MEIS2: variants seen among roughly 807,000 people sequenced by gnomAD.
MEIS2 encodes the protein homeobox protein Meis2.
A neutral mutation model predicts 58.6 loss-of-function variants in MEIS2; 9 were observed. The ratio of observed to expected loss-of-function variants is 0.15; its 90% CI spans 0.09 to 0.27. The LOEUF (loss-of-function observed/expected upper bound fraction) is 0.27. Ranked by LOEUF, MEIS2 falls within the 10% of genes least tolerant of loss-of-function variation. MEIS2 has a pLI of 1.00. For missense variants in MEIS2, 427 were observed against 635.0 expected (o/e 0.67, Z 3.52); for synonymous variants, 221 against 228.4 (o/e 0.97, Z 0.29).
chr15:37,049,918 C>T (rs1475157193), intron 7 of MEIS2, among the ~76,000 whole-genome samples: 1 of 151,958 alleles, frequency 6.6e-6, no homozygotes, highest in African/African-American at 2.4e-5. Context: ...AATGTGATTT[C>T]AAGGCCACTT....
intron 8 of MEIS2, among the ~76,000 whole-genome samples, chr15:36,966,790 A>C (rs1057252668): frequency 1.3e-5 from 2 of 152,160 alleles, no homozygotes; most frequent in African/African-American, 4.8e-5. Context: ...ACAGAGATAG[A>C]AAATAACTGG....
chr15:37,073,315 C>A (rs1890955162), intron 7 of MEIS2, among the ~76,000 whole-genome samples: 1 of 151,988 alleles, frequency 6.6e-6, no homozygotes, highest in Non-Finnish European at 1.5e-5. Flanking sequence ...GCCGTTTAAT[C>A]TGCAACAAGC....
chr15:36,991,779 T>TTTTC (rs1266256655), intron 8 of MEIS2, among the ~76,000 whole-genome samples: 4 of 70,902 alleles, frequency 5.6e-5, no homozygotes, highest in African/African-American at 2.1e-4. Flanking sequence ...TTCTTTTTTT[T>TTTTC]TTTCTTTTTT....
Position 36,906,651 on chromosome 15 carries a change from G to GACA in MEIS2, c.978-9966_978-9965insTGT, listed in dbSNP as rs1414830117. Among the ~76,000 whole-genome samples the GACA allele has an allele frequency of 1.8e-3, 170 of 96,534 alleles. 1 individual carries two copies. The highest frequency in any genetic ancestry group is 6.4e-3 in the African/African-American group (159 of 24,848). 63.3% of individuals were successfully genotyped at this position (96,534 alleles called of 152,430 possible). A position where few individuals can be genotyped will look rare whatever the true frequency, so the allele number is the denominator to read the frequency against. ...CTGACAAAGTATGTCAGCCACTCAA[G>GACA]AAAAAAAAAAAAAAAAAAAACAAGG... On this transcript the variant is annotated intron_variant, in intron 9 of 11. Coordinates refer to ENST00000561208, the MANE Select transcript of MEIS2 (RefSeq NM_170675.5).
At chr15:37,051,508 A>C (rs1237742651) in intron 7 of MEIS2, among the ~76,000 whole-genome samples, 2 of 152,202 alleles carry the variant, frequency 1.3e-5, no homozygotes, top group African/African-American at 4.8e-5. Context: ...TTTTGGCGTA[A>C]TGATGGAATC....
At chr15:36,983,578 T>C (rs1361435311) in intron 8 of MEIS2, among the ~76,000 whole-genome samples, 2 of 152,122 alleles carry the variant, frequency 1.3e-5, no homozygotes, top group Non-Finnish European at 2.9e-5. Context: ...ACAGTCAATA[T>C]GGTGGCTCCA....
intron 11 of MEIS2, 71 bp downstream of exon 11, chr15:36,895,080 A>C: frequency 7.9e-7 from 1 of 1,267,440 alleles, no homozygotes; most frequent in Non-Finnish European, 1.1e-6. Context: ...GGGATAGTAG[A>C]GTGGATGGAG....
chr15:37,029,101 A>T (rs942526960), intron 8 of MEIS2, among the ~76,000 whole-genome samples: 1 of 152,200 alleles, frequency 6.6e-6, no homozygotes, highest in Non-Finnish European at 1.5e-5. Flanking sequence ...CTCTAGTATA[A>T]GATTCCATTC....
intron 8 of MEIS2, among the ~76,000 whole-genome samples, chr15:36,977,105 A>G (rs1285345999): frequency 6.6e-6 from 1 of 152,142 alleles, no homozygotes; most frequent in Non-Finnish European, 1.5e-5. Context: ...CAGCCTGGAC[A>G]ACAAGAGCAA....
chr15:37,098,853 C>A, intron 1 of MEIS2: 1 of 959,576 alleles, frequency 1.0e-6, no homozygotes, highest in Non-Finnish European at 1.2e-6. Context: ...CAGTGCCTCC[C>A]CGGGGGCAGG....
At chr15:37,001,821 G>C (rs4924114) in intron 8 of MEIS2, among the ~76,000 whole-genome samples, 2 of 151,954 alleles carry the variant, frequency 1.3e-5, no homozygotes, top group East Asian at 3.9e-4. Context: ...TAAGAGGTTC[G>C]ATATACAAAT....
intron 8 of MEIS2, among the ~76,000 whole-genome samples, chr15:36,974,263 C>G (rs970019775): frequency 3.9e-5 from 6 of 152,116 alleles, no homozygotes; most frequent in African/African-American, 1.4e-4. Flanking sequence ...TTTCAGAATT[C>G]TGAGTGTTCA....
chr15:37,065,444 G>A (rs898203445), intron 7 of MEIS2, among the ~76,000 whole-genome samples: 5 of 152,116 alleles, frequency 3.3e-5, no homozygotes, highest in Non-Finnish European at 7.4e-5. Flanking sequence ...GAATACTGAG[G>A]ATACCTTTAA....
chr15:37,016,452 G>A (rs994747562), intron 8 of MEIS2, among the ~76,000 whole-genome samples: 6 of 151,670 alleles, frequency 4.0e-5, no homozygotes, highest in African/African-American at 1.5e-4. Context: ...TTAAACCTGC[G>A]TCACAACATG....
chr15:36,939,646 C>T (rs1164768337), intron 9 of MEIS2, among the ~76,000 whole-genome samples: 1 of 151,944 alleles, frequency 6.6e-6, no homozygotes, highest in Non-Finnish European at 1.5e-5. Context: ...ACCTGTTTAT[C>T]CTCAGAACAA....
At chr15:36,936,621 A>G (rs2058185742) in intron 9 of MEIS2, among the ~76,000 whole-genome samples, 1 of 152,226 alleles carries the variant, frequency 6.6e-6, no homozygotes, top group Non-Finnish European at 1.5e-5. Flanking sequence ...GTTCTACTGT[A>G]ATTATGAACT....
At chr15:37,052,098 C>A (rs1457432870) in intron 7 of MEIS2, among the ~76,000 whole-genome samples, 3 of 152,150 alleles carry the variant, frequency 2.0e-5, no homozygotes, top group African/African-American at 7.2e-5. Flanking sequence ...ATATCTCACA[C>A]CACACTGGAG....
At chr15:37,079,815 C>T (rs1173430266) in intron 7 of MEIS2, among the ~76,000 whole-genome samples, 1 of 152,104 alleles carries the variant, frequency 6.6e-6, no homozygotes, top group Non-Finnish European at 1.5e-5. Flanking sequence ...GCTTGTACAG[C>T]CCTGTGTCCT....
At chr15:37,076,711 C>CA (rs769245497) in intron 7 of MEIS2, among the ~76,000 whole-genome samples, 21 of 152,030 alleles carry the variant, frequency 1.4e-4, no homozygotes, top group Non-Finnish European at 3.1e-4. Flanking sequence ...TAATATGAGT[C>CA]ATAGACTATT....
Sources: gnomAD v4.1 joint callset for allele counts (sites outside exome capture counted in the v4.1 genomes callset) on GRCh38, gnomAD v4.1.1 for gene constraint, MANE v1.5 for transcripts, NCBI Gene and HGNC (gene_info 2026-07-23, HGNC 2026-07-21) for gene names.